The following PDE7B variants were observed in gnomAD, a reference collection of about 807,000 sequenced individuals.
PDE7B encodes phosphodiesterase 7B, also known as 3',5'-cyclic-AMP phosphodiesterase 7B.
PDE7B carries 29 observed loss-of-function variants against 56.2 expected under a neutral mutation model. The observed-to-expected ratio is 0.52, with a 90% CI of 0.38 to 0.70. The LOEUF (loss-of-function observed/expected upper bound fraction) is 0.70. Ranked by LOEUF, PDE7B falls within the 30% of genes least tolerant of loss-of-function variation. The pLI is 0.00. For missense variants in PDE7B, 490 were observed against 565.0 expected (o/e 0.87, Z 1.35); for synonymous variants, 197 against 196.9 (o/e 1.00, Z 0.00).
At chr6:136,019,033 G>A (rs1562471128) in intron 2 of PDE7B, among the ~76,000 whole-genome samples, 3 of 151,970 alleles carry the variant, frequency 2.0e-5, no homozygotes, top group Middle Eastern at 6.8e-3. Context: ...TTATTAAAAG[G>A]CAGTCTCTGC....
chr6:136,043,554 C>T (rs941283875), intron 2 of PDE7B, among the ~76,000 whole-genome samples: 2 of 121,292 alleles, frequency 1.6e-5, no homozygotes, highest in South Asian at 5.1e-4. Context: ...AGGTTGTTGT[C>T]GGGATTAAAT....
chr6:135,870,417 A>C (rs539896318), intron 1 of PDE7B, among the ~76,000 whole-genome samples: 4 of 151,914 alleles, frequency 2.6e-5, no homozygotes, highest in African/African-American at 9.7e-5. Flanking sequence ...ACCTTAGAGG[A>C]TTGCCATAAG....
intron 6 of PDE7B, among the ~76,000 whole-genome samples, chr6:136,153,077 C>T (rs879813815): frequency 2.6e-5 from 4 of 152,214 alleles, no homozygotes; most frequent in Non-Finnish European, 5.9e-5. Flanking sequence ...AAACCAGCCA[C>T]AACATGGCTA....
chr6:136,152,279 C>T (rs942011534), intron 6 of PDE7B, among the ~76,000 whole-genome samples: 1 of 152,138 alleles, frequency 6.6e-6, no homozygotes, highest in Admixed American at 6.5e-5. Flanking sequence ...CAGCAGCATG[C>T]GCCTCAAATA....
At chr6:135,863,663 A>T (rs868699879) in intron 1 of PDE7B, among the ~76,000 whole-genome samples, 1 of 151,758 alleles carries the variant, frequency 6.6e-6, no homozygotes, top group African/African-American at 2.4e-5. Context: ...GGCGAATTGA[A>T]ATTTTACCAT....
At chr6:135,858,234 C>A (rs989706043) in intron 1 of PDE7B, among the ~76,000 whole-genome samples, 6 of 151,992 alleles carry the variant, frequency 3.9e-5, no homozygotes, top group Admixed American at 1.3e-4. Context: ...CTCACTGCAA[C>A]CTCCACCTCC....
chr6:136,063,562 A>G (rs1776881611), intron 2 of PDE7B, among the ~76,000 whole-genome samples: 1 of 152,170 alleles, frequency 6.6e-6, no homozygotes, highest in South Asian at 2.1e-4. Flanking sequence ...ATCTTAATAC[A>G]AGTTACTCTT....
chr6:136,088,046 A>G (rs528515905), intron 2 of PDE7B, among the ~76,000 whole-genome samples: 102 of 152,370 alleles, frequency 6.7e-4, no homozygotes, highest in Non-Finnish European at 1.2e-3. Context: ...GGGACCATCC[A>G]TCCCATCGGC....
chr6:135,888,093 A>G (rs1775740767), intron 1 of PDE7B, among the ~76,000 whole-genome samples: 1 of 152,182 alleles, frequency 6.6e-6, no homozygotes, highest in South Asian at 2.1e-4. Context: ...ACTACCTGTG[A>G]ACTACTGCAT....
intron 3 of PDE7B, among the ~76,000 whole-genome samples, chr6:136,147,087 A>G (rs535137508): frequency 2.6e-5 from 4 of 152,118 alleles, no homozygotes; most frequent in Non-Finnish European, 5.9e-5. Flanking sequence ...GGTTGAAGTG[A>G]GCCAAGATTG....
intron 12 of PDE7B, among the ~76,000 whole-genome samples, chr6:136,188,603 AC>A (rs1360715511): frequency 6.6e-6 from 1 of 151,816 alleles, no homozygotes; most frequent in East Asian, 1.9e-4. Flanking sequence ...GACATTTTGA[AC>A]CCCCCAAACA....
intron 6 of PDE7B, among the ~76,000 whole-genome samples, chr6:136,151,785 A>G (rs1778522281): frequency 6.6e-6 from 1 of 152,082 alleles, no homozygotes; most frequent in Non-Finnish European, 1.5e-5. Context: ...AATACAAAAA[A>G]AAAATTAGCC....
intron 2 of PDE7B, among the ~76,000 whole-genome samples, chr6:136,093,705 A>AG (rs1006945483): frequency 8.7e-4 from 133 of 152,292 alleles, no homozygotes; most frequent in African/African-American, 3.0e-3. Context: ...CAGAGAGAGA[A>AG]GGGGGCACAG....
intron 2 of PDE7B, among the ~76,000 whole-genome samples, chr6:136,091,513 T>A (rs1777385725): frequency 6.6e-6 from 1 of 152,230 alleles, no homozygotes; most frequent in South Asian, 2.1e-4. Flanking sequence ...TTCTACTAAC[T>A]CTTACTATAA....
chr6:135,853,888 G>A (rs1180474070), intron 1 of PDE7B, among the ~76,000 whole-genome samples: 1 of 152,136 alleles, frequency 6.6e-6, no homozygotes. Flanking sequence ...TAAAAACCTA[G>A]TTAAAATGTT....
At chr6:136,132,340 G>A (rs1171460920) in intron 3 of PDE7B, among the ~76,000 whole-genome samples, 1 of 151,934 alleles carries the variant, frequency 6.6e-6, no homozygotes, top group Non-Finnish European at 1.5e-5. Flanking sequence ...ATACCCCAGA[G>A]AAAATAGGGT....
chr6:136,051,418 T>G (rs982485908), intron 2 of PDE7B, among the ~76,000 whole-genome samples: 1 of 152,220 alleles, frequency 6.6e-6, no homozygotes, highest in Non-Finnish European at 1.5e-5. Flanking sequence ...ATACCCACAG[T>G]GCATCTTCAA....
intron 2 of PDE7B, chr6:136,038,403 CGCT>C (rs1418924141): frequency 7.7e-7 from 1 of 1,291,136 alleles, no homozygotes; most frequent in African/African-American, 1.5e-5. Flanking sequence ...CAGCAGGGGC[CGCT>C]GCCCTGGGAC....
intron 1 of PDE7B, among the ~76,000 whole-genome samples, chr6:135,913,923 A>C (rs1045136413): frequency 1.3e-5 from 2 of 152,200 alleles, no homozygotes; most frequent in African/African-American, 4.8e-5. Context: ...CAACTATGCC[A>C]CTTTTTTTCT....
Sources: gnomAD v4.1 joint callset for allele counts (sites outside exome capture counted in the v4.1 genomes callset) on GRCh38, gnomAD v4.1.1 for gene constraint, MANE v1.5 for transcripts, NCBI Gene and HGNC (gene_info 2026-07-23, HGNC 2026-07-21) for gene names.